FARS2: variants seen among roughly 807,000 people sequenced by gnomAD.
The protein encoded by FARS2 is phenylalanine--tRNA ligase, mitochondrial.
A neutral mutation model predicts 46.4 loss-of-function variants in FARS2; 40 were observed. The observed-to-expected ratio is 0.86, with a 90% CI of 0.67 to 1.12. The LOEUF (loss-of-function observed/expected upper bound fraction) is 1.12. FARS2 is among the 50% of genes most tolerant of loss of function. FARS2 has a pLI of 0.00. For synonymous variants in FARS2, 234 were observed against 214.9 expected, an observed-to-expected ratio of 1.09 and a Z score of -0.78; for missense variants, 513 against 567.9, an observed-to-expected ratio of 0.90 and a Z score of 0.98.
chr6:5,477,056 G>A (rs936756952), intron 4 of FARS2, among the ~76,000 whole-genome samples: 2 of 152,124 alleles, frequency 1.3e-5, no homozygotes, highest in African/African-American at 2.4e-5. Context: ...CCTGGCAATT[G>A]GTACTTCTCT....
chr6:5,564,228 T>C (rs2150545209), intron 5 of FARS2, among the ~76,000 whole-genome samples: 1 of 152,330 alleles, frequency 6.6e-6, no homozygotes, highest in East Asian at 1.9e-4. Flanking sequence ...GTAGGTAATT[T>C]CCATCTAAAA....
intron 6 of FARS2, among the ~76,000 whole-genome samples, chr6:5,621,504 G>A (rs796137887): frequency 6.6e-6 from 1 of 152,202 alleles, no homozygotes; most frequent in South Asian, 2.1e-4. Flanking sequence ...TTTCTTGCAT[G>A]TAATTAACAC....
At chr6:5,402,005 T>TC (rs1761284240) in intron 2 of FARS2, among the ~76,000 whole-genome samples, 1 of 143,894 alleles carries the variant, frequency 6.9e-6, no homozygotes, top group South Asian at 2.2e-4. Flanking sequence ...TTGTTTTTTT[T>TC]TCCCTCTTTA....
intron 2 of FARS2, among the ~76,000 whole-genome samples, chr6:5,379,916 C>T (rs1561997779): frequency 6.6e-6 from 1 of 152,198 alleles, no homozygotes; most frequent in African/African-American, 2.4e-5. Context: ...TCAGTTTTCA[C>T]AGAGCAGGCA....
chr6:5,485,052 G>A (rs1766694142), intron 4 of FARS2, among the ~76,000 whole-genome samples: 1 of 152,100 alleles, frequency 6.6e-6, no homozygotes, highest in African/African-American at 2.4e-5. Context: ...TCCCAAAGAG[G>A]GAGAAAGCCC....
chr6:5,757,652 G>C (rs1762278046), intron 6 of FARS2, among the ~76,000 whole-genome samples: 1 of 152,222 alleles, frequency 6.6e-6, no homozygotes, highest in Non-Finnish European at 1.5e-5. Context: ...CCAGGATTAA[G>C]AGCATAGCTT....
chr6:5,643,977 G>A (rs779540977), intron 6 of FARS2, among the ~76,000 whole-genome samples: 8 of 152,158 alleles, frequency 5.3e-5, no homozygotes, highest in Non-Finnish European at 1.0e-4. Flanking sequence ...CTGTACCCAC[G>A]AGAAAGAGTT....
At chr6:5,694,421 G>C (rs1757966249) in intron 6 of FARS2, among the ~76,000 whole-genome samples, 1 of 152,210 alleles carries the variant, frequency 6.6e-6, no homozygotes. Context: ...ACATTGATTA[G>C]AAATTATGGG....
intron 5 of FARS2, among the ~76,000 whole-genome samples, chr6:5,576,383 C>T (rs1354961789): frequency 6.6e-6 from 1 of 151,980 alleles, no homozygotes; most frequent in Admixed American, 6.6e-5. Flanking sequence ...AGCCTCCCAG[C>T]CTACATCTAT....
upstream of FARS2, among the ~76,000 whole-genome samples, chr6:5,257,859 G>C (rs2753245): frequency 0.28 from 43,031 of 152,084 alleles, 7,623 homozygotes; most frequent in African/African-American, 0.5. Flanking sequence ...ATAGCACTGG[G>C]CAAAGCATGC....
chr6:5,759,524 C>A (rs978817643), intron 6 of FARS2, among the ~76,000 whole-genome samples: 4 of 152,064 alleles, frequency 2.6e-5, no homozygotes. Flanking sequence ...CATTCATTTG[C>A]TGAATGAATA....
chr6:5,459,564 G>C (rs1487514829), intron 4 of FARS2, among the ~76,000 whole-genome samples: 1 of 152,122 alleles, frequency 6.6e-6, no homozygotes, highest in African/African-American at 2.4e-5. Context: ...GGTGTGCCCA[G>C]AGCGGGAGGG....
intron 4 of FARS2, among the ~76,000 whole-genome samples, chr6:5,525,022 G>A (rs1769372576): frequency 1.3e-5 from 2 of 152,054 alleles, no homozygotes; most frequent in African/African-American, 4.8e-5. Flanking sequence ...GGGAAGCTCT[G>A]AGCAGGGAAT....
intron 4 of FARS2, among the ~76,000 whole-genome samples, chr6:5,522,791 A>G (rs950066305): frequency 3.9e-5 from 6 of 152,214 alleles, no homozygotes; most frequent in African/African-American, 1.4e-4. Flanking sequence ...AATTGGACCT[A>G]TTTAACCCAC....
intron 5 of FARS2, among the ~76,000 whole-genome samples, chr6:5,572,671 C>T (rs1160329572): frequency 6.6e-6 from 1 of 152,128 alleles, no homozygotes; most frequent in African/African-American, 2.4e-5. Flanking sequence ...GACCATCTGA[C>T]ATGAAATCCC....
At chr6:5,250,299 C>T in the FARS2 span, among the ~76,000 whole-genome samples, 1 of 152,042 alleles carries the variant, frequency 6.6e-6, no homozygotes, top group African/African-American at 2.4e-5. Flanking sequence ...CTCTTGTAAA[C>T]TACAGTCAAT....
At chr6:5,477,526 G>T (rs879263283) in intron 4 of FARS2, among the ~76,000 whole-genome samples, 6 of 152,150 alleles carry the variant, frequency 3.9e-5, no homozygotes, top group Non-Finnish European at 8.8e-5. Flanking sequence ...GCATCTCCAG[G>T]ACATATAACA....
intron 6 of FARS2, among the ~76,000 whole-genome samples, chr6:5,754,906 TA>T (rs1270069955): frequency 5.9e-5 from 9 of 152,248 alleles, no homozygotes; most frequent in African/African-American, 1.9e-4. Context: ...ATTCAGGACT[TA>T]TTATGTTTCC....
chr6:5,358,271 G>T (rs1758064651), intron 1 of FARS2, among the ~76,000 whole-genome samples: 1 of 151,238 alleles, frequency 6.6e-6, no homozygotes, highest in South Asian at 2.1e-4. Flanking sequence ...TTTTTCATTA[G>T]CTGAATATTT....
Sources: allele counts gnomAD v4.1 joint callset (sites outside exome capture counted in the v4.1 genomes callset), GRCh38; gene constraint gnomAD v4.1.1; transcripts MANE v1.5; gene names NCBI Gene and HGNC (gene_info 2026-07-23, HGNC 2026-07-21).